HTR7: variants seen among roughly 807,000 people sequenced by gnomAD.
HTR7 encodes the protein 5-hydroxytryptamine receptor 7, also known as 5-HT-7.
In HTR7, 16 loss-of-function variants were observed where a neutral mutation model predicts 34.0. The ratio of observed to expected loss-of-function variants is 0.47; its 90% CI spans 0.32 to 0.71. HTR7 has a LOEUF of 0.71. Among genes scored for constraint, HTR7 ranks in the 30% least tolerant of loss-of-function variants. The probability of loss-of-function intolerance (pLI) is 0.04; values close to 1 mark genes in which losing one functional copy is unlikely to be tolerated. For missense variants in HTR7, 504 were observed against 625.5 expected (o/e 0.81, Z 2.07); for synonymous variants, 265 against 260.2 (o/e 1.02, Z -0.18).
chr10:90,823,131 C>T (rs771362809), intron 1 of HTR7, among the ~76,000 whole-genome samples: 2 of 152,230 alleles, frequency 1.3e-5, no homozygotes, highest in Non-Finnish European at 2.9e-5. Context: ...GGCACTGCCT[C>T]GTGGAGCTGT....
chr10:90,805,654 T>G (rs866844355), intron 1 of HTR7, among the ~76,000 whole-genome samples: 4 of 152,200 alleles, frequency 2.6e-5, no homozygotes, highest in South Asian at 2.1e-4. Context: ...ATAAAGAGAT[T>G]GATACTCTAA....
At chr10:90,824,597 G>A (rs1846040378) in intron 1 of HTR7, among the ~76,000 whole-genome samples, 1 of 152,214 alleles carries the variant, frequency 6.6e-6, no homozygotes, top group African/African-American at 2.4e-5. Flanking sequence ...CCAGGCCTTG[G>A]CTCTTGGATT....
chr10:90,757,061 A>G lies in HTR7; in HGVS notation c.540-7467T>C, dbSNP rs1390652934. ...AAAGGGGGCGGGGATGGCAGCAAAG[A>G]AAGAACCAAAATTTATCAGCAATAA... On this transcript the variant is annotated intron_variant, in intron 1 of 3. Transcript: ENST00000336152. Among the ~76,000 whole-genome samples the G allele has an allele frequency of 2.0e-5, 3 of 152,224 alleles. No homozygotes were observed. In the East Asian group the frequency reaches 5.8e-4, roughly 29 times the overall value.
chr10:90,763,421 T>A (rs1011685124), intron 1 of HTR7, among the ~76,000 whole-genome samples: 2 of 90,352 alleles, frequency 2.2e-5, no homozygotes, highest in African/African-American at 1.0e-4. Context: ...GTTTTATTTC[T>A]TTTTTTATAA....
chr10:90,857,535 G>A lies in HTR7; in HGVS notation c.137C>T (p.Pro46Leu), dbSNP rs1038357840. Residue 46 changes from proline to leucine, a missense_variant, in exon 1 of 4, where the codon CCG (proline) becomes CTG (leucine). Around this residue, in one of 4 missense-constraint regions of HTR7, gnomAD observed 139 missense variants for 117.1 expected, o/e 1.19. Coordinates refer to ENST00000336152, the MANE Select transcript of HTR7 (RefSeq NM_019859.4). The surrounding 1 kb of genome is among the most constrained non-coding windows in gnomAD (Gnocchi z 6.5). ...GADPVAGSWA[P>L]HLLSEVTASP... Reference sequence around the variant, plus strand: ...GGCTGTCACCTCGCTCAGCAGGTGCGGCGCCCAGGAGCCCGCGACCGGGTC... The same window carrying A: ...GGCTGTCACCTCGCTCAGCAGGTGCAGCGCCCAGGAGCCCGCGACCGGGTC... 11 of 1,605,734 alleles carry A rather than the reference G, an allele frequency of 6.9e-6. No individual in the cohort carries two copies. The highest frequency in any genetic ancestry group is 2.2e-5 in the East Asian group (1 of 44,640).
intron 1 of HTR7, among the ~76,000 whole-genome samples, chr10:90,783,012 TGACTAGGAGCTTACTGG>T (rs1845331132): frequency 6.6e-6 from 1 of 152,220 alleles, no homozygotes; most frequent in Non-Finnish European, 1.5e-5. Flanking sequence ...TATGATTTGG[TGACTAGGAGCTTACTGG>T]GACTGGAACT....
intron 1 of HTR7, among the ~76,000 whole-genome samples, chr10:90,814,700 T>C (rs1049231905): frequency 2.6e-5 from 4 of 152,180 alleles, no homozygotes; most frequent in African/African-American, 9.7e-5. Flanking sequence ...ATTAAGAAAT[T>C]AAACGAATAA....
At chr10:90,797,236 A>G (rs1845554692) in intron 1 of HTR7, among the ~76,000 whole-genome samples, 1 of 152,124 alleles carries the variant, frequency 6.6e-6, no homozygotes, top group Admixed American at 6.5e-5. Context: ...ACTGAGTTTT[A>G]GAGCTGGAAG....
chr10:90,798,360 T>C (rs1467926431), intron 1 of HTR7, among the ~76,000 whole-genome samples: 2 of 152,224 alleles, frequency 1.3e-5, no homozygotes, highest in Non-Finnish European at 2.9e-5. Context: ...AAAACTCCTA[T>C]AGCCTAAGCC....
intron 1 of HTR7, among the ~76,000 whole-genome samples, chr10:90,801,854 GA>G (rs1453535848): frequency 9.9e-5 from 15 of 152,210 alleles, no homozygotes; most frequent in Non-Finnish European, 1.5e-4. Flanking sequence ...TGATTATTGG[GA>G]AAAAAGGGAT....
intron 1 of HTR7, among the ~76,000 whole-genome samples, chr10:90,828,817 A>C (rs1009604957): frequency 2.0e-5 from 3 of 152,110 alleles, no homozygotes; most frequent in African/African-American, 7.2e-5. Context: ...ATACTTCTAA[A>C]CTCATTTTAT....
In HTR7 at chr10:90,748,948, G is replaced by T; in HGVS notation, c.1186C>A (p.Arg396Ser). The change falls in exon 2 of 4, where the codon CGC becomes AGC. Residue 396 changes from arginine (R) to serine (S), a missense_variant. Coordinates refer to ENST00000336152, the MANE Select transcript of HTR7 (RefSeq NM_019859.4). ...CGGTACTGGCACTGGAGCAGGCTGC[G>T]ATAGGTGGTCCTCAGGTCCCGGTTG... Reference protein sequence around the residue: ...FFNRDLRTTYRSLLQCQYRNI... With the variant: ...FFNRDLRTTYSSLLQCQYRNI... 1 of 1,614,192 alleles carries T rather than the reference G, an allele frequency of 6.2e-7. No homozygotes were observed. Among genetic ancestry groups the T allele is most frequent in the South Asian group, 1.1e-5 (1 of 91,076 alleles).
chr10:90,754,144 C>A (rs1844790587), intron 1 of HTR7, among the ~76,000 whole-genome samples: 1 of 151,988 alleles, frequency 6.6e-6, no homozygotes, highest in African/African-American at 2.4e-5. Flanking sequence ...GCAATAGAAA[C>A]AATCTGGTTC....
intron 1 of HTR7, among the ~76,000 whole-genome samples, chr10:90,786,967 T>C (rs1015827308): frequency 6.6e-6 from 1 of 152,162 alleles, no homozygotes; most frequent in Non-Finnish European, 1.5e-5. Flanking sequence ...CTTAGGAAAA[T>C]GGCATACTTT....
chr10:90,816,848 AG>A (rs1240238337), intron 1 of HTR7, among the ~76,000 whole-genome samples: 1 of 152,246 alleles, frequency 6.6e-6, no homozygotes, highest in Non-Finnish European at 1.5e-5. Flanking sequence ...TCTGGTTTTC[AG>A]GGATATAATT....
intron 1 of HTR7, among the ~76,000 whole-genome samples, chr10:90,854,644 C>T (rs879828405): frequency 1.3e-5 from 2 of 152,080 alleles, no homozygotes; most frequent in South Asian, 2.1e-4. Context: ...CTGAAAAAGA[C>T]GGGATGGGAG....
At chr10:90,771,224 C>A (rs1462273004) in intron 1 of HTR7, among the ~76,000 whole-genome samples, 1 of 152,252 alleles carries the variant, frequency 6.6e-6, no homozygotes, top group Admixed American at 6.5e-5. Flanking sequence ...AAAGGAGCTG[C>A]ACCCTGTGGG....
chr10:90,818,802 G>A (rs370779942), intron 1 of HTR7, among the ~76,000 whole-genome samples: 1 of 152,180 alleles, frequency 6.6e-6, no homozygotes, highest in Non-Finnish European at 1.5e-5. Flanking sequence ...CCCAGTGTTG[G>A]AGAAAAGGCC....
intron 1 of HTR7, among the ~76,000 whole-genome samples, chr10:90,829,426 G>T (rs1846130655): frequency 6.6e-6 from 1 of 151,730 alleles, no homozygotes; most frequent in Non-Finnish European, 1.5e-5. Context: ...TGAAAAACAT[G>T]CAGTTTTGTT....
Sources: gnomAD v4.1 joint callset for allele counts (sites outside exome capture counted in the v4.1 genomes callset) on GRCh38, gnomAD v4.1.1 for gene constraint, gnomAD v4.1.1 regional missense constraint, Gnocchi (gnomAD v3.1) non-coding constraint, MANE v1.5 for transcripts, NCBI Gene and HGNC (gene_info 2026-07-23, HGNC 2026-07-21) for gene names.